Variants in RBPJ observed in about 807,000 individuals in gnomAD.
RBPJ encodes recombining binding protein suppressor of hairless.
RBPJ carries 9 observed loss-of-function variants against 67.8 expected under a neutral mutation model. That is an observed-to-expected ratio of 0.13 (90% CI 0.08 to 0.23). The LOEUF is 0.23. Among genes scored for constraint, RBPJ ranks in the 10% least tolerant of loss-of-function variants. The pLI, the probability that RBPJ is intolerant of heterozygous loss-of-function variation, is 1.00. For missense variants in RBPJ, 305 were observed against 595.6 expected (o/e 0.51, Z 5.08); for synonymous variants, 198 against 203.3 (o/e 0.97, Z 0.22).
chr4:26,244,131 G>T (rs1432170488), intron 1 of RBPJ, among the ~76,000 whole-genome samples: 2 of 142,406 alleles, frequency 1.4e-5, no homozygotes, highest in African/African-American at 5.2e-5. Flanking sequence ...ACTTTAAAAT[G>T]TATATATATA....
At chr4:26,199,375 C>T (rs887427595) in intron 1 of RBPJ, among the ~76,000 whole-genome samples, 9 of 152,204 alleles carry the variant, frequency 5.9e-5, no homozygotes, top group African/African-American at 1.9e-4. Context: ...GTGGAGCTTG[C>T]GGGGATTAGA....
intron 1 of RBPJ, among the ~76,000 whole-genome samples, chr4:26,355,488 A>G (rs1367002380): frequency 8.4e-5 from 3 of 35,896 alleles, no homozygotes; most frequent in Non-Finnish European, 2.3e-4. Context: ...TCTCTACCAA[A>G]AAAAAAAAAA....
At chr4:26,187,746 G>T (rs1436880439) in intron 1 of RBPJ, among the ~76,000 whole-genome samples, 1 of 152,098 alleles carries the variant, frequency 6.6e-6, no homozygotes, top group Non-Finnish European at 1.5e-5. Context: ...TGGGGGCTGG[G>T]CACTGTGGCT....
chr4:26,243,254 T>G (rs1719712137), intron 1 of RBPJ, among the ~76,000 whole-genome samples: 1 of 152,080 alleles, frequency 6.6e-6, no homozygotes. Context: ...TGATAAAAAG[T>G]AAAAGAACAC....
At chr4:26,221,442 C>T (rs1718907643) in intron 1 of RBPJ, among the ~76,000 whole-genome samples, 1 of 152,102 alleles carries the variant, frequency 6.6e-6, no homozygotes, top group African/African-American at 2.4e-5. Context: ...CATTTCTAGA[C>T]TACTGTTTGT....
the RBPJ span, among the ~76,000 whole-genome samples, chr4:26,137,182 A>G: frequency 6.6e-6 from 1 of 152,184 alleles, no homozygotes; most frequent in African/African-American, 2.4e-5. Flanking sequence ...CAAGCTCAGC[A>G]GAGAAGGCAC....
At chr4:26,111,027 A>G in the RBPJ span, among the ~76,000 whole-genome samples, 3 of 152,208 alleles carry the variant, frequency 2.0e-5, no homozygotes, top group East Asian at 5.8e-4. Flanking sequence ...TTACCAAGGT[A>G]GAATCCCTCT....
At chr4:26,392,782 T>C (rs1022834509) in intron 2 of RBPJ, among the ~76,000 whole-genome samples, 3 of 152,242 alleles carry the variant, frequency 2.0e-5, no homozygotes, top group African/African-American at 7.2e-5. Flanking sequence ...TTGCACACTT[T>C]AAATAAGTGT....
chr4:26,361,847 G>A (rs1336146538), intron 1 of RBPJ, among the ~76,000 whole-genome samples: 1 of 152,096 alleles, frequency 6.6e-6, no homozygotes, highest in Non-Finnish European at 1.5e-5. Flanking sequence ...AGCTGGGGTG[G>A]GGTTAGGAGG....
At chr4:26,140,790 G>C in the RBPJ span, among the ~76,000 whole-genome samples, 1 of 150,676 alleles carries the variant, frequency 6.6e-6, no homozygotes, top group African/African-American at 2.5e-5. Flanking sequence ...GAGCCACAGG[G>C]AGAAGTGGAT....
At chr4:26,357,440 A>C (rs1478471399) in intron 1 of RBPJ, among the ~76,000 whole-genome samples, 1 of 152,226 alleles carries the variant, frequency 6.6e-6, no homozygotes, top group African/African-American at 2.4e-5. Context: ...CACTTAACGA[A>C]GATAGAAATA....
intron 1 of RBPJ, among the ~76,000 whole-genome samples, chr4:26,272,299 G>A (rs1720940936): frequency 6.6e-6 from 1 of 152,170 alleles, no homozygotes; most frequent in South Asian, 2.1e-4. Context: ...GGGCATTGTG[G>A]CTCACACCCA....
At chr4:26,328,161 G>C (rs1723850132) in intron 1 of RBPJ, among the ~76,000 whole-genome samples, 1 of 150,344 alleles carries the variant, frequency 6.7e-6, no homozygotes, top group Non-Finnish European at 1.5e-5. Context: ...AAATTACCTA[G>C]ATCTGTACAA....
chr4:26,353,047 AGT>A (rs1352363753), intron 1 of RBPJ, among the ~76,000 whole-genome samples: 1 of 152,246 alleles, frequency 6.6e-6, no homozygotes, highest in Non-Finnish European at 1.5e-5. Context: ...CCCGGTGGAA[AGT>A]GTAGCAATTT....
At chr4:26,195,564 G>A (rs866456424) in intron 1 of RBPJ, among the ~76,000 whole-genome samples, 4 of 151,984 alleles carry the variant, frequency 2.6e-5, no homozygotes, top group Non-Finnish European at 5.9e-5. Flanking sequence ...ATCGAACTTC[G>A]AAAACTGATC....
the RBPJ span, among the ~76,000 whole-genome samples, chr4:26,155,447 T>G: frequency 2.0e-5 from 3 of 150,876 alleles, no homozygotes; most frequent in Non-Finnish European, 4.4e-5. Flanking sequence ...TTTTTTTTTT[T>G]TTTTTCAGAC....
chr4:26,219,844 C>T (rs1429916479), intron 1 of RBPJ, among the ~76,000 whole-genome samples: 8 of 152,036 alleles, frequency 5.3e-5, no homozygotes, highest in Non-Finnish European at 1.2e-4. Flanking sequence ...GGCACAATCT[C>T]GGCTCACTGC....
intron 1 of RBPJ, among the ~76,000 whole-genome samples, chr4:26,348,018 A>G (rs993491505): frequency 2.7e-5 from 4 of 150,346 alleles, no homozygotes; most frequent in Admixed American, 1.3e-4. Flanking sequence ...CTGGAGTACA[A>G]TGGCACCATC....
At chr4:26,317,974 G>A (rs1189786951), upstream of RBPJ, among the ~76,000 whole-genome samples, 5 of 152,180 alleles carry the variant, frequency 3.3e-5, no homozygotes, top group Non-Finnish European at 7.3e-5. Flanking sequence ...ACCTTCTTGG[G>A]ATGACAGCTC....
Sources: gnomAD v4.1 joint callset for allele counts (sites outside exome capture counted in the v4.1 genomes callset) on GRCh38, gnomAD v4.1.1 for gene constraint, MANE v1.5 for transcripts, NCBI Gene and HGNC (gene_info 2026-07-23, HGNC 2026-07-21) for gene names.